C14orf39: variants seen among roughly 807,000 people sequenced by gnomAD.
The protein encoded by C14orf39 is protein SIX6OS1.
C14orf39 carries 66 observed loss-of-function variants against 85.6 expected under a neutral mutation model. That is an observed-to-expected ratio of 0.77 (90% CI 0.63 to 0.95). C14orf39 has a LOEUF of 0.95. C14orf39 is among the 40% of genes least tolerant of loss of function. The pLI is 0.00. For synonymous variants in C14orf39, 242 were observed against 214.0 expected (o/e 1.13, Z -1.14); for missense variants, 735 against 663.9 (o/e 1.11, Z -1.18).
chr14:60,454,044 T>A (rs1036028032), intron 16 of C14orf39, among the ~76,000 whole-genome samples: 3 of 151,906 alleles, frequency 2.0e-5, no homozygotes, highest in African/African-American at 7.2e-5. Context: ...GTAACTATAG[T>A]CTACTTTCAT....
In C14orf39 at chr14:60,458,697, T is replaced by C. The variant is rs762335682; in HGVS notation, c.1160A>G (p.Glu387Gly). The change falls in exon 14 of 18, where the codon GAA becomes GGA. Residue 387 changes from glutamate to glycine, a missense_variant. Glu to Gly is a moderately conservative substitution (Grantham distance 98, BLOSUM62 -2). Transcript: ENST00000321731. ...GDKGTVRQVR[E>G]SKCTSQAIYT... ...ACTTACTTGTGAAGTACATTTTGAT[T>C]CTCTTACTTGTCTTACTGTCCCTTT... is the stretch of plus-strand genomic sequence containing the variant. The C allele has an allele frequency of 6.2e-7, 1 of 1,603,110 alleles. No homozygotes were observed. Among genetic ancestry groups the C allele is most frequent in the East Asian group, 2.3e-5 (1 of 44,438 alleles).
chr14:60,496,321 C>A, intron 2 of C14orf39: 1 of 363,924 alleles, frequency 2.7e-6, no homozygotes, highest in Non-Finnish European at 5.5e-6. Context: ...TTCATCATAC[C>A]TTGTTGCCCC....
chr14:60,503,059 G>C (rs1333924027), intron 1 of C14orf39, among the ~76,000 whole-genome samples: 1 of 152,202 alleles, frequency 6.6e-6, no homozygotes, highest in African/African-American at 2.4e-5. Flanking sequence ...CCTGACAAAA[G>C]AGTTCAGAGG....
intron 16 of C14orf39, among the ~76,000 whole-genome samples, chr14:60,446,981 C>A (rs1359567398): frequency 6.6e-6 from 1 of 152,128 alleles, no homozygotes; most frequent in African/African-American, 2.4e-5. Context: ...CAGAAAAGGC[C>A]TTTGACAAAA....
chr14:60,461,943 T>A (rs1038953620), intron 11 of C14orf39, among the ~76,000 whole-genome samples: 14 of 152,166 alleles, frequency 9.2e-5, no homozygotes, highest in African/African-American at 3.4e-4. Flanking sequence ...CTGATTTCTG[T>A]GTCCCTCCAT....
intron 1 of C14orf39, chr14:60,511,289 G>A: frequency 6.2e-7 from 1 of 1,606,960 alleles, no homozygotes; most frequent in Non-Finnish European, 8.5e-7. Context: ...AGATTCCAGT[G>A]TAAAAACGAG....
At chr14:60,509,273 G>C in intron 1 of C14orf39, 1 of 830,992 alleles carries the variant, frequency 1.2e-6, no homozygotes, top group Non-Finnish European at 2.0e-6. Flanking sequence ...CCGCCACCCG[G>C]TAGTGTGTCC....
intron 1 of C14orf39, among the ~76,000 whole-genome samples, chr14:60,505,059 A>C (rs1486796990): frequency 1.3e-5 from 2 of 152,256 alleles, no homozygotes; most frequent in African/African-American, 4.8e-5. Context: ...CTAATCTCTT[A>C]AAATTAGGTC....
intron 4 of C14orf39, among the ~76,000 whole-genome samples, chr14:60,481,113 C>T (rs1320828663): frequency 1.3e-5 from 2 of 152,008 alleles, no homozygotes; most frequent in African/African-American, 4.8e-5. Context: ...TTTTAATATT[C>T]TCATCACAAA....
chr14:60,458,204 C>T (rs1210120211), intron 14 of C14orf39, among the ~76,000 whole-genome samples: 2 of 151,932 alleles, frequency 1.3e-5, no homozygotes, highest in Non-Finnish European at 1.5e-5. Flanking sequence ...ACTGATCTAA[C>T]ACAAGGCCTT....
intron 2 of C14orf39, chr14:60,495,883 A>G: frequency 2.6e-6 from 1 of 390,376 alleles, no homozygotes; most frequent in Non-Finnish European, 5.0e-6. Flanking sequence ...AGTATAGAAT[A>G]TAGAAAGAAC....
chr14:60,475,608 A>C (rs1453069818), intron 5 of C14orf39, among the ~76,000 whole-genome samples: 1 of 152,150 alleles, frequency 6.6e-6, no homozygotes, highest in African/African-American at 2.4e-5. Flanking sequence ...ATTTATTTAC[A>C]TATTATCTGA....
intron 17 of C14orf39, 26 bp from the exon 18 acceptor site, chr14:60,437,073 C>A: frequency 6.9e-7 from 1 of 1,457,350 alleles, no homozygotes; most frequent in East Asian, 2.3e-5. Context: ...ATTACAATAT[C>A]ATGCTCTTCA....
intron 1 of C14orf39, among the ~76,000 whole-genome samples, chr14:60,508,656 T>C (rs1431985582): frequency 1.3e-5 from 2 of 152,142 alleles, no homozygotes; most frequent in Non-Finnish European, 2.9e-5. Flanking sequence ...CATGCAGAGA[T>C]GGGTACTTGG....
chr14:60,476,948 C>T (rs187261271), intron 5 of C14orf39, among the ~76,000 whole-genome samples: 230 of 152,216 alleles, frequency 1.5e-3, no homozygotes, highest in African/African-American at 5.2e-3. Context: ...AAGCTTAATT[C>T]GTGCCTATAT....
chr14:60,476,448 G>T (rs1271866200), intron 5 of C14orf39, among the ~76,000 whole-genome samples: 1 of 152,182 alleles, frequency 6.6e-6, no homozygotes, highest in South Asian at 2.1e-4. Context: ...AGTAATTGGT[G>T]CCTCTACTTC....
chr14:60,484,392 T>C lies in C14orf39; in HGVS notation c.106+489A>G, dbSNP rs1406320642. Among the ~76,000 whole-genome samples, 4 of 152,330 alleles carry C rather than the reference T, an allele frequency of 2.6e-5. No individual in the cohort carries two copies. The South Asian group carries it at 6.2e-4, about 24-fold the overall frequency. On this transcript the variant is annotated intron_variant, in intron 3 of 17. Transcript: ENST00000321731. This position sits in a 1 kb window ranked among gnomAD's most constrained non-coding sequence, Gnocchi z 4.2. ...ACCTTTTCAGAACGATGAAGAAATT[T>C]AGAACTCTATTTTTTATAGTTGTTT...
At chr14:60,501,213 G>A (rs182207420) in intron 1 of C14orf39, among the ~76,000 whole-genome samples, 32 of 150,820 alleles carry the variant, frequency 2.1e-4, no homozygotes, top group African/African-American at 6.6e-4. Context: ...AGGCTGAGGT[G>A]TGAGGATGGC....
intron 16 of C14orf39, among the ~76,000 whole-genome samples, chr14:60,451,776 T>G (rs763194297): frequency 6.6e-6 from 1 of 151,980 alleles, no homozygotes; most frequent in African/African-American, 2.4e-5. Context: ...ACATGGCAAA[T>G]GTATACATAC....
Sources: gnomAD v4.1 joint callset for allele counts (sites outside exome capture counted in the v4.1 genomes callset) on GRCh38, gnomAD v4.1.1 for gene constraint, Gnocchi (gnomAD v3.1) non-coding constraint, MANE v1.5 for transcripts, NCBI Gene and HGNC (gene_info 2026-07-23, HGNC 2026-07-21) for gene names.